The following SEZ6L variants were observed in gnomAD, a reference collection of about 807,000 sequenced individuals.
SEZ6L encodes seizure 6-like protein.
A neutral mutation model predicts 106.2 loss-of-function variants in SEZ6L; 37 were observed. That is an observed-to-expected ratio of 0.35 (90% CI 0.27 to 0.46). The LOEUF (loss-of-function observed/expected upper bound fraction) is 0.46. Ranked by LOEUF, SEZ6L falls within the 20% of genes least tolerant of loss-of-function variation. The pLI, the probability that SEZ6L is intolerant of heterozygous loss-of-function variation, is 1.00. For missense variants in SEZ6L, 1,172 were observed against 1,332.8 expected, an observed-to-expected ratio of 0.88 and a Z score of 1.88; for synonymous variants, 541 against 570.4, an observed-to-expected ratio of 0.95 and a Z score of 0.73.
intron 11 of SEZ6L, 41 bp downstream of exon 11, chr22:26,347,954 G>C: frequency 6.7e-7 from 1 of 1,490,662 alleles, no homozygotes; most frequent in South Asian, 1.4e-5. Flanking sequence ...TCCCTGGGTG[G>C]CAAATCCCTT....
At chr22:26,226,222 A>C (rs193121197) in intron 1 of SEZ6L, among the ~76,000 whole-genome samples, 26 of 152,198 alleles carry the variant, frequency 1.7e-4, no homozygotes, top group African/African-American at 6.3e-4. Flanking sequence ...TGCCAATTCC[A>C]CCTTCCTGTT....
At chr22:26,310,649 C>A (rs1372424743) in intron 6 of SEZ6L, 21 bp from the exon 7 acceptor site, 3 of 1,613,636 alleles carry the variant, frequency 1.9e-6, no homozygotes, top group South Asian at 2.2e-5. Flanking sequence ...CAGTGTCCCT[C>A]CTCTCTGCTC....
At chr22:26,173,521 G>A (rs1372179906) in intron 1 of SEZ6L, among the ~76,000 whole-genome samples, 1 of 152,222 alleles carries the variant, frequency 6.6e-6, no homozygotes, top group African/African-American at 2.4e-5. Flanking sequence ...TCGAGCGGAT[G>A]CAGGAGAGCA....
intron 9 of SEZ6L, among the ~76,000 whole-genome samples, chr22:26,322,292 A>C (rs763702946): frequency 6.6e-6 from 1 of 152,308 alleles, no homozygotes; most frequent in Non-Finnish European, 1.5e-5. Flanking sequence ...TCACACAGCT[A>C]GTAAAGACGG....
intron 1 of SEZ6L, among the ~76,000 whole-genome samples, chr22:26,241,742 A>G (rs1166802384): frequency 6.6e-6 from 1 of 150,474 alleles, no homozygotes; most frequent in African/African-American, 2.4e-5. Flanking sequence ...ATTCCCTTAA[A>G]TATAGCTTTT....
chr22:26,374,992 T>C (rs2084171108), intron 14 of SEZ6L, among the ~76,000 whole-genome samples: 1 of 152,114 alleles, frequency 6.6e-6, no homozygotes, highest in East Asian at 1.9e-4. Flanking sequence ...ACTCGTGGAC[T>C]GGAGAGTAGA....
chr22:26,326,535 G>T (rs776069484), intron 9 of SEZ6L, among the ~76,000 whole-genome samples: 56 of 152,244 alleles, frequency 3.7e-4, no homozygotes, highest in Non-Finnish European at 4.4e-4. Context: ...AAGCAACCTA[G>T]GAGAGTCACA....
Position 26,351,693 on chromosome 22 carries a change from C to T in SEZ6L, c.2599+450C>T, listed in dbSNP as rs999916692. On this transcript the variant is annotated intron_variant, in intron 12 of 16. Transcript: ENST00000248933. The stretch of plus-strand genomic sequence containing the variant: ...TCCCGAGTAGCTGGGATTACAGGCG[C>T]GTGCCACCATGCCTGGCTAATTTTT... Among the ~76,000 whole-genome samples the T allele has an allele frequency of 6.6e-5, 10 of 151,974 alleles. No homozygotes were observed. In the East Asian group the frequency reaches 1.2e-3, roughly 18 times the overall value.
At chr22:26,324,835 A>G (rs182988412) in intron 9 of SEZ6L, among the ~76,000 whole-genome samples, 226 of 152,338 alleles carry the variant, frequency 1.5e-3, no homozygotes, top group Non-Finnish European at 2.9e-3. Flanking sequence ...AGACCACTCT[A>G]TCAGTCAGCT....
chr22:26,375,115 C>T (rs963280109), intron 14 of SEZ6L, among the ~76,000 whole-genome samples: 5 of 152,136 alleles, frequency 3.3e-5, no homozygotes, highest in South Asian at 4.2e-4. Context: ...CCACCAGCAC[C>T]GTTCAACTCA....
chr22:26,349,850 A>AT (rs1163485479), intron 11 of SEZ6L, among the ~76,000 whole-genome samples: 2 of 152,152 alleles, frequency 1.3e-5, no homozygotes, highest in Non-Finnish European at 1.5e-5. Context: ...ATATCTTTTC[A>AT]TATCATACAT....
rs532638980 is a variant in SEZ6L at position 26,375,607 on chromosome 22, G to A, written c.2860G>A (p.Gly954Arg). 6.2e-7 allele frequency: 1 copy of A among 1,614,120 alleles called. No individual in the cohort carries two copies. The highest frequency in any genetic ancestry group is 8.5e-7 in the Non-Finnish European group (1 of 1,179,974). Residue 954 changes from glycine (G) to arginine (R), a missense_variant, in exon 15 of 17, where the codon GGG (glycine) becomes AGG (arginine). Gly to Arg is a moderately radical substitution (Grantham distance 125, BLOSUM62 -2). Coordinates refer to ENST00000248933, the MANE Select transcript of SEZ6L (RefSeq NM_021115.5). ...AEAAAETSLE[G>R]GNMALAIFIP... Reference sequence around the variant, plus strand: ...AGCGGCAGCAGAGACGTCGCTGGAAGGGGGGAACATGGCCCTGGCTATCTT... The same window carrying A: ...AGCGGCAGCAGAGACGTCGCTGGAAAGGGGGAACATGGCCCTGGCTATCTT...
intron 1 of SEZ6L, among the ~76,000 whole-genome samples, chr22:26,280,310 A>G (rs984726744): frequency 6.6e-6 from 1 of 152,196 alleles, no homozygotes; most frequent in Admixed American, 6.5e-5. Flanking sequence ...AAAAAGGTCT[A>G]TAATGAAAAT....
intron 1 of SEZ6L, among the ~76,000 whole-genome samples, chr22:26,227,298 C>CA (rs34674810): frequency 0.18 from 28,020 of 152,150 alleles, 3,049 homozygotes; most frequent in East Asian, 0.42. Context: ...TGGATGATAA[C>CA]ATCCCAAGGT....
In SEZ6L at chr22:26,382,087, A is replaced by G. The variant is rs769734981; in HGVS notation, c.*1792A>G. ...CCAGAATATTTTCCTTCTGCCAGAA[A>G]AGAATCTTGCACATATACTCCTGAA... On this transcript the variant is annotated 3_prime_UTR_variant, in exon 17 of 17. Transcript: ENST00000248933. 1.9e-6 allele frequency: 1 copy of G among 517,542 alleles called. No homozygotes were observed. Among genetic ancestry groups the G allele is most frequent in the Non-Finnish European group, 3.9e-6 (1 of 259,164 alleles). The allele number at this position is 517,542 out of a possible 1,614,324, so 32.1% of individuals were successfully genotyped here. A position where few individuals can be genotyped will look rare whatever the true frequency, so the allele number is the denominator to read the frequency against.
intron 11 of SEZ6L, among the ~76,000 whole-genome samples, chr22:26,348,707 C>A (rs1363205212): frequency 1.2e-3 from 34 of 28,492 alleles, no homozygotes; most frequent in Non-Finnish European, 1.7e-3. Flanking sequence ...AGAAAGAAGG[C>A]AAGGGAGGGA....
At chr22:26,219,094 G>T (rs1341919616) in intron 1 of SEZ6L, among the ~76,000 whole-genome samples, 2 of 152,184 alleles carry the variant, frequency 1.3e-5, no homozygotes, top group Non-Finnish European at 2.9e-5. Flanking sequence ...TCGAGTGCTG[G>T]TTATGCCTTT....
chr22:26,213,568 C>A (rs1174776583), intron 1 of SEZ6L, among the ~76,000 whole-genome samples: 2 of 152,204 alleles, frequency 1.3e-5, no homozygotes, highest in Admixed American at 6.5e-5. Flanking sequence ...AAGTTAACAA[C>A]CCCTGGTTAC....
chr22:26,190,803 A>T (rs1004643548), intron 1 of SEZ6L, among the ~76,000 whole-genome samples: 1 of 152,236 alleles, frequency 6.6e-6, no homozygotes, highest in Admixed American at 6.5e-5. Context: ...TTAAGGAACT[A>T]AGAGTTTTCT....
Sources: allele counts gnomAD v4.1 joint callset (sites outside exome capture counted in the v4.1 genomes callset), GRCh38; gene constraint gnomAD v4.1.1; transcripts MANE v1.5; gene names NCBI Gene and HGNC (gene_info 2026-07-23, HGNC 2026-07-21).